SUMF1: variants seen among roughly 807,000 people sequenced by gnomAD.
SUMF1 encodes sulfatase modifying factor 1, also known as formylglycine-generating enzyme.
Under a neutral mutation model 47.6 loss-of-function variants are expected in SUMF1, and 48 were observed. The ratio of observed to expected loss-of-function variants is 1.01; its 90% CI spans 0.80 to 1.28. The LOEUF (loss-of-function observed/expected upper bound fraction) is 1.28. Among genes scored for constraint, SUMF1 ranks in the 50% most tolerant of loss-of-function variants. SUMF1 has a pLI of 0.00. For missense variants in SUMF1, 571 were observed against 485.4 expected (o/e 1.18, Z -1.66); for synonymous variants, 230 against 192.1 (o/e 1.20, Z -1.63).
At chr3:4,173,407 T>C (rs1694876722) in intron 8 of SUMF1, among the ~76,000 whole-genome samples, 1 of 152,146 alleles carries the variant, frequency 6.6e-6, no homozygotes, top group African/African-American at 2.4e-5. Flanking sequence ...TGTAGAGAAA[T>C]AGGAACACTT....
intron 8 of SUMF1, among the ~76,000 whole-genome samples, chr3:4,137,357 C>T (rs1408393738): frequency 6.6e-6 from 1 of 151,068 alleles, no homozygotes; most frequent in Non-Finnish European, 1.5e-5. Context: ...TCATTCTCAG[C>T]AAACTATTGC....
intron 8 of SUMF1, among the ~76,000 whole-genome samples, chr3:4,177,561 G>C (rs1694994358): frequency 6.6e-6 from 1 of 152,112 alleles, no homozygotes; most frequent in Non-Finnish European, 1.5e-5. Flanking sequence ...GAAATTTATA[G>C]CACTAAATGC....
intron 8 of SUMF1, among the ~76,000 whole-genome samples, chr3:4,156,839 T>A: frequency 6.6e-6 from 1 of 151,850 alleles, no homozygotes; most frequent in East Asian, 1.9e-4. Context: ...ATATTTTAAA[T>A]AAATTAATAC....
intron 8 of SUMF1, among the ~76,000 whole-genome samples, chr3:4,104,664 A>ATT (rs1693116473): frequency 7.8e-6 from 1 of 127,796 alleles, no homozygotes; most frequent in African/African-American, 3.8e-5. Flanking sequence ...GTAAATCTCG[A>ATT]TTTCTCTCTC....
intron 1 of SUMF1, among the ~76,000 whole-genome samples, chr3:4,457,554 A>G (rs1168260838): frequency 1.3e-5 from 2 of 152,162 alleles, no homozygotes; most frequent in Admixed American, 6.5e-5. Flanking sequence ...ACAAAAACCA[A>G]TGGAACAGGA....
intron 8 of SUMF1, among the ~76,000 whole-genome samples, chr3:4,298,714 T>C (rs756596163): frequency 5.3e-5 from 8 of 152,340 alleles, no homozygotes; most frequent in South Asian, 2.1e-4. Flanking sequence ...TAGGGTACCA[T>C]GTCTTCTTCA....
intron 1 of SUMF1, among the ~76,000 whole-genome samples, chr3:4,453,534 T>TA (rs1260121963): frequency 1.6e-5 from 1 of 62,594 alleles, no homozygotes; most frequent in East Asian, 3.3e-4. Context: ...GCCCAACTAA[T>TA]TTTTTTTTTT....
chr3:4,237,854 A>C (rs1696443189), intron 8 of SUMF1, among the ~76,000 whole-genome samples: 1 of 152,180 alleles, frequency 6.6e-6, no homozygotes, highest in Non-Finnish European at 1.5e-5. Flanking sequence ...ATAGGTATAC[A>C]TGTGCCATGG....
rs1417132726 is a variant in SUMF1 at position 4,361,703 on chromosome 3, A to C, written c.*441T>G. 3 of 197,366 alleles carry C rather than the reference A, an allele frequency of 1.5e-5. No homozygotes were observed. In the East Asian group the frequency reaches 3.7e-4, roughly 25 times the overall value. 12.2% of individuals were successfully genotyped at this position (197,366 alleles called of 1,614,324 possible). The stretch of plus-strand genomic sequence containing the variant: ...ATTCTCACTATGAAGTCACAATAGA[A>C]TCTGATACCCTTTTTAGAACTGGTG... On this transcript the variant is annotated 3_prime_UTR_variant, in exon 9 of 9. Coordinates refer to ENST00000272902, the MANE Select transcript of SUMF1 (RefSeq NM_182760.4).
chr3:4,074,524 AC>A (rs1176455576), intron 8 of SUMF1, among the ~76,000 whole-genome samples: 2 of 152,112 alleles, frequency 1.3e-5, no homozygotes, highest in Non-Finnish European at 2.9e-5. Context: ...ACACAAAAAA[AC>A]CCTTCAAAAA....
intron 8 of SUMF1, among the ~76,000 whole-genome samples, chr3:4,232,296 G>A (rs896609908): frequency 6.6e-6 from 1 of 152,100 alleles, no homozygotes; most frequent in Non-Finnish European, 1.5e-5. Flanking sequence ...GTTGTTGCCA[G>A]AACAGTCAAA....
chr3:4,050,382 T>G (rs185314418), intron 9 of SUMF1, among the ~76,000 whole-genome samples: 1 of 152,012 alleles, frequency 6.6e-6, no homozygotes, highest in Non-Finnish European at 1.5e-5. Flanking sequence ...GAGCAGTTGC[T>G]TTCTGGGTCT....
intron 8 of SUMF1, among the ~76,000 whole-genome samples, chr3:4,233,106 C>CT (rs1696337540): frequency 6.6e-6 from 1 of 152,154 alleles, no homozygotes; most frequent in Admixed American, 6.6e-5. Flanking sequence ...ATGATCTGGA[C>CT]TTAGGAAGCC....
intron 8 of SUMF1, among the ~76,000 whole-genome samples, chr3:4,108,412 G>A (rs1302050499): frequency 5.9e-5 from 9 of 152,106 alleles, no homozygotes; most frequent in Non-Finnish European, 1.3e-4. Context: ...GATTTGGGGT[G>A]GAGAGTTCTG....
intron 8 of SUMF1, among the ~76,000 whole-genome samples, chr3:4,073,864 A>G (rs1692351209): frequency 6.6e-6 from 1 of 152,176 alleles, no homozygotes; most frequent in African/African-American, 2.4e-5. Context: ...CTGAAGAGGG[A>G]CTTAGACTCC....
chr3:4,339,248 C>T (rs1699218659), intron 8 of SUMF1, among the ~76,000 whole-genome samples: 1 of 152,264 alleles, frequency 6.6e-6, no homozygotes, highest in Non-Finnish European at 1.5e-5. Context: ...TTGACTTCTT[C>T]CCCATCCTCT....
At chr3:4,354,455 T>C (rs1699574578) in intron 8 of SUMF1, among the ~76,000 whole-genome samples, 1 of 152,168 alleles carries the variant, frequency 6.6e-6, no homozygotes, top group African/African-American at 2.4e-5. Flanking sequence ...TAGAGGTTCT[T>C]TGTGAGGTGG....
intron 8 of SUMF1, chr3:4,303,755 G>A (rs1208077254): frequency 6.8e-7 from 1 of 1,475,630 alleles, no homozygotes; most frequent in Non-Finnish European, 9.1e-7. Context: ...TCCCTGAAGC[G>A]CAGAACCGGA....
chr3:4,418,628 G>A (rs1701795348), intron 4 of SUMF1, among the ~76,000 whole-genome samples: 4 of 152,312 alleles, frequency 2.6e-5, no homozygotes, highest in Admixed American at 2.0e-4. Flanking sequence ...GACCTGCATT[G>A]TGGCTTTGAC....
Sources: gnomAD v4.1 joint callset for allele counts (sites outside exome capture counted in the v4.1 genomes callset) on GRCh38, gnomAD v4.1.1 for gene constraint, MANE v1.5 for transcripts, NCBI Gene and HGNC (gene_info 2026-07-23, HGNC 2026-07-21) for gene names.